Variants in RASA4 observed in about 807,000 individuals in gnomAD.
The protein encoded by RASA4 is ras GTPase-activating protein 4.
RASA4 carries 5 observed loss-of-function variants against 24.0 expected under a neutral mutation model. That is an observed-to-expected ratio of 0.21 (90% confidence interval 0.11 to 0.44). RASA4 has a LOEUF of 0.44. RASA4 is among the 20% of genes least tolerant of loss of function. The pLI is 0.99. For synonymous variants in RASA4, 9 were observed against 132.7 expected, an observed-to-expected ratio of 0.07 and a Z score of 6.41; for missense variants, 38 against 293.0, an observed-to-expected ratio of 0.13 and a Z score of 6.35.
chr7:102,610,477 G>GGAA (rs1393947321), intron 2 of RASA4, among the ~76,000 whole-genome samples: 1 of 142,306 alleles, frequency 7.0e-6, no homozygotes, highest in Non-Finnish European at 1.6e-5. Flanking sequence ...GGACCATGGA[G>GGAA]GAAGGGACAT....
intron 5 of RASA4, among the ~76,000 whole-genome samples, chr7:102,603,677 C>G (rs1475938585): frequency 6.6e-6 from 1 of 152,230 alleles, no homozygotes; most frequent in Admixed American, 6.5e-5. Context: ...TCTAATAAAA[C>G]CCCAACATTG....
At chr7:102,599,617 CAG>C (rs1464882738) in intron 8 of RASA4, among the ~76,000 whole-genome samples, 2 of 144,774 alleles carry the variant, frequency 1.4e-5, no homozygotes, top group Non-Finnish European at 3.1e-5. Flanking sequence ...AGCCTGGGGA[CAG>C]AGTGAGACTC....
At position 102,588,813 on chromosome 7, in the gene RASA4, C is replaced by T. The variant is rs1476260603; in HGVS notation, c.1969-1043G>A. 1.1e-3 allele frequency among the ~76,000 whole-genome samples: 12 copies of T among 10,820 alleles called. 6 individuals are homozygous for T. The highest frequency in any genetic ancestry group is 5.7e-3 in the East Asian group (2 of 350). 7.1% of individuals were successfully genotyped at this position (10,820 alleles called of 152,430 possible). A position where few individuals can be genotyped will look rare whatever the true frequency, so the allele number is the denominator to read the frequency against. On this transcript the variant is annotated intron_variant, in intron 17 of 20. Transcript: ENST00000262940. ...CCAAGTAGCTGGGACTACAGGCGCA[C>T]ACCACCACACCCAGCTACTTTTTGT...
At chr7:102,590,992 A>G (rs1322134531) in intron 16 of RASA4, among the ~76,000 whole-genome samples, 3 of 146,038 alleles carry the variant, frequency 2.1e-5, no homozygotes, top group Non-Finnish European at 3.0e-5. Flanking sequence ...ATGTAGTCAA[A>G]TCTTTCAACC....
chr7:102,606,629 G>T (rs1158801786), intron 4 of RASA4, among the ~76,000 whole-genome samples: 1 of 80,348 alleles, frequency 1.2e-5, no homozygotes, highest in Non-Finnish European at 2.7e-5. Flanking sequence ...CTACAAGATT[G>T]CGCCATTGCA....
At chr7:102,614,100 G>A (rs1316947488) in intron 1 of RASA4, among the ~76,000 whole-genome samples, 2 of 148,104 alleles carry the variant, frequency 1.4e-5, no homozygotes, top group South Asian at 4.3e-4. Flanking sequence ...GCCCTGGCTG[G>A]AGGAGATGCT....
chr7:102,588,814 A>ATGTG lies in RASA4; in HGVS notation c.1969-1045_1969-1044insCACA, dbSNP rs1562791666. The stretch of plus-strand genomic sequence containing the variant: ...CAAGTAGCTGGGACTACAGGCGCAC[A>ATGTG]CCACCACACCCAGCTACTTTTTGTA... On this transcript the variant is annotated intron_variant, in intron 17 of 20. Coordinates refer to ENST00000262940, the MANE Select transcript of RASA4 (RefSeq NM_006989.6). Among the ~76,000 whole-genome samples the ATGTG allele has an allele frequency of 0.014, 108 of 7,546 alleles. 37 individuals are homozygous for ATGTG. The East Asian group carries it at 0.24, about 17-fold the overall frequency. 5.0% of individuals were successfully genotyped at this position (7,546 alleles called of 152,430 possible). A position where few individuals can be genotyped will look rare whatever the true frequency, so the allele number is the denominator to read the frequency against.
At chr7:102,603,274 CT>C (rs370234047) in intron 5 of RASA4, among the ~76,000 whole-genome samples, 34 of 92,232 alleles carry the variant, frequency 3.7e-4, no homozygotes, top group Admixed American at 9.3e-4. Context: ...TTATTCTTTT[CT>C]TTTTTTTTTT....
rs1789672534 is a variant in RASA4, at chr7:102,581,032, G to A, written c.*1739C>T. 2.1e-5 allele frequency: 3 copies of A among 145,354 alleles called. No homozygotes were observed. Among genetic ancestry groups the A allele is most frequent in the Non-Finnish European group, 1.5e-5 (1 of 65,126 alleles). 9.0% of individuals were successfully genotyped at this position (145,354 alleles called of 1,614,324 possible). The stretch of plus-strand genomic sequence containing the variant: ...TAGCTTAAAAAAATAGAGATAACAG[G>A]ATAAAGGTGAGGAATGAAGGAATGA... On this transcript the variant is annotated 3_prime_UTR_variant, in exon 21 of 21. Coordinates refer to ENST00000262940, the MANE Select transcript of RASA4 (RefSeq NM_006989.6).
rs1242107763 is a variant in RASA4 at position 102,580,495 on chromosome 7, C to T, written c.*2276G>A. On this transcript the variant is annotated 3_prime_UTR_variant, in exon 21 of 21. Coordinates refer to ENST00000262940, the MANE Select transcript of RASA4 (RefSeq NM_006989.6). ...AGGTGATCCTTCTGTCTTGGCCTCC[C>T]GAGTAGCTGGGACTAGAGGTGTGCA... 2.2e-5 allele frequency: 1 copy of T among 44,906 alleles called. No homozygotes were observed. The highest frequency in any genetic ancestry group is 5.6e-5 in the African/African-American group (1 of 17,808). The allele number at this position is 44,906 out of a possible 1,614,324, so 2.8% of individuals were successfully genotyped here.
At chr7:102,591,191 G>A (rs2133443636) in intron 16 of RASA4, among the ~76,000 whole-genome samples, 1 of 91,562 alleles carries the variant, frequency 1.1e-5, no homozygotes, top group South Asian at 3.5e-4. Flanking sequence ...TCGGGAGGCT[G>A]AGGTAGGAAG....
chr7:102,610,540 A>T (rs1246043489), intron 2 of RASA4, among the ~76,000 whole-genome samples: 1 of 149,212 alleles, frequency 6.7e-6, no homozygotes, highest in African/African-American at 2.4e-5. Flanking sequence ...GCCTCGAGGG[A>T]TATTACTATG....
At chr7:102,599,727 A>C (rs1790366095) in intron 8 of RASA4, 133 bp downstream of exon 8, 4 of 255,558 alleles carry the variant, frequency 1.6e-5, no homozygotes, top group Non-Finnish European at 2.9e-5. Context: ...GCAGGGGCTG[A>C]GGGGACCCTG....
Position 102,599,952 on chromosome 7 carries a change from C to T in RASA4, c.645G>A (p.Val215=), listed in dbSNP as rs1790376508. Residue 215 remains valine (V), a splice_region_variant and synonymous_variant, in exon 8 of 21, where the codon GTG becomes GTA. Transcript: ENST00000262940. ...LVSRNDFLGK[V]VIDVQRLRVV... ...CCCGCAGTCTCTGGACATCAATCAC[C>T]ACCTGGGGACATAGTGGCAGTTTTC... The T allele has an allele frequency of 7.5e-6, 1 of 132,794 alleles. No homozygotes were observed. Among genetic ancestry groups the T allele is most frequent in the Non-Finnish European group, 1.3e-5 (1 of 75,346 alleles). The allele number at this position is 132,794 out of a possible 1,614,324, so 8.2% of individuals were successfully genotyped here.
intron 16 of RASA4, among the ~76,000 whole-genome samples, chr7:102,590,706 C>T (rs1427250018): frequency 1.4e-5 from 2 of 144,850 alleles, no homozygotes; most frequent in African/African-American, 5.5e-5. Flanking sequence ...TTTGGGAGGC[C>T]GAGGAAGGCG....
At chr7:102,602,693 G>A (rs1790404656) in intron 5 of RASA4, among the ~76,000 whole-genome samples, 1 of 108,986 alleles carries the variant, frequency 9.2e-6, no homozygotes, top group Admixed American at 9.3e-5. Flanking sequence ...GTGGCAGGGG[G>A]GTGGTGTGAG....
chr7:102,603,733 A>C, intron 5 of RASA4, among the ~76,000 whole-genome samples: 1 of 151,924 alleles, frequency 6.6e-6, no homozygotes, highest in African/African-American at 2.4e-5. Context: ...CACTTTGGGA[A>C]GGAGGCTGAG....
intron 5 of RASA4, among the ~76,000 whole-genome samples, chr7:102,603,074 C>T (rs1790434345): frequency 7.2e-6 from 1 of 138,168 alleles, no homozygotes; most frequent in African/African-American, 2.7e-5. Flanking sequence ...AATTCTCCTG[C>T]CTCAGCCTCC....
At chr7:102,591,060 A>G in intron 16 of RASA4, among the ~76,000 whole-genome samples, 1 of 124,764 alleles carries the variant, frequency 8.0e-6, no homozygotes, top group African/African-American at 3.5e-5. Flanking sequence ...GGGCAGGAGG[A>G]TTGCCTGAGG....
Sources: allele counts gnomAD v4.1 joint callset (sites outside exome capture counted in the v4.1 genomes callset), GRCh38; gene constraint gnomAD v4.1.1; transcripts MANE v1.5; gene names NCBI Gene and HGNC (gene_info 2026-07-23, HGNC 2026-07-21).